The following IL3RA variants were observed in gnomAD, a reference collection of about 807,000 sequenced individuals.
The protein encoded by IL3RA is interleukin 3 receptor subunit alpha.
In IL3RA, 73 loss-of-function variants were observed where a neutral mutation model predicts 52.3. The observed-to-expected ratio is 1.40, with a 90% CI of 1.16 to 1.70. IL3RA has a LOEUF of 1.70. Ranked by LOEUF, IL3RA falls within the 40% of genes most tolerant of loss-of-function variation. The probability of loss-of-function intolerance (pLI) is 0.00; values close to 1 mark genes in which losing one functional copy is unlikely to be tolerated. For missense variants in IL3RA, 664 were observed against 504.4 expected (o/e 1.32, Z -3.03); for synonymous variants, 260 against 194.0 (o/e 1.34, Z -2.83).
At chrX:1,343,413 C>G (rs1447798933) in intron 2 of IL3RA, among the ~76,000 whole-genome samples, 1 of 151,784 alleles carries the variant, frequency 6.6e-6, no homozygotes, top group African/African-American at 2.4e-5. Context: ...GTCTGTAATC[C>G]CAGCACTTTG....
Position 1,352,406 on chromosome X carries a change from ACT to A in IL3RA, c.520_521del (p.Ser174GlnfsTer24). The A allele has an allele frequency of 6.2e-7, 1 of 1,613,460 alleles. No individual in the cohort carries two copies. The highest frequency in any genetic ancestry group is 2.2e-5 in the East Asian group (1 of 44,842). On this transcript the variant is annotated frameshift_variant, in exon 6 of 12. Coordinates refer to ENST00000331035, the MANE Select transcript of IL3RA (RefSeq NM_002183.4). LOFTEE classifies it high-confidence loss of function. ...GGTGTCGTTTCGATGACATCTCTCG[ACT>A]CTCCAGCGGTTCTCAAAGTTCCCAC... ...IGCRFDDISR[L>X]SSGSQSSHIL...
At chrX:1,347,925 T>C (rs2085830565) in intron 3 of IL3RA, among the ~76,000 whole-genome samples, 1 of 149,654 alleles carries the variant, frequency 6.7e-6, no homozygotes, top group South Asian at 2.1e-4. Context: ...TAGTCCCAGC[T>C]ACTTGGGAGG....
At chrX:1,356,365 C>A in intron 7 of IL3RA, 29 bp downstream of exon 7, 4 of 1,437,776 alleles carry the variant, frequency 2.8e-6, no homozygotes, top group South Asian at 1.2e-5. Context: ...CCCAGCCCCC[C>A]CACCCCCGTG....
chrX:1,377,750 C>T (rs2088880960), intron 9 of IL3RA, among the ~76,000 whole-genome samples: 2 of 149,498 alleles, frequency 1.3e-5, no homozygotes, highest in African/African-American at 2.5e-5. Context: ...ACTGTAGCCT[C>T]GACCTCCTGG....
At chrX:1,381,701 C>T (rs753876019) in intron 11 of IL3RA, among the ~76,000 whole-genome samples, 31 of 151,568 alleles carry the variant, frequency 2.0e-4, no homozygotes, top group African/African-American at 3.1e-4. Context: ...CGCACCGACA[C>T]GCCCAGCTAA....
In IL3RA at chrX:1,361,390, G is replaced by A. The variant is rs751679716; in HGVS notation, c.759+2503G>A. Reference sequence around the variant, plus strand: ...ACTCACAGTTCCATGTGGCTGGGGAGGCCTCACGATCACGGCAGAAGGTGA... The same window carrying A: ...ACTCACAGTTCCATGTGGCTGGGGAAGCCTCACGATCACGGCAGAAGGTGA... On this transcript the variant is annotated intron_variant, in intron 8 of 11. Coordinates refer to ENST00000331035, the MANE Select transcript of IL3RA (RefSeq NM_002183.4). Among the ~76,000 whole-genome samples the A allele has an allele frequency of 2.9e-4, 44 of 152,240 alleles. No homozygotes were observed. In the South Asian group the frequency reaches 8.1e-3, roughly 28 times the overall value.
intron 8 of IL3RA, among the ~76,000 whole-genome samples, chrX:1,360,232 GTCTC>G: frequency 2.7e-5 from 1 of 36,720 alleles, no homozygotes; most frequent in Non-Finnish European, 5.1e-5. Context: ...CTCTGTGTCT[GTCTC>G]TGTATCTCTC....
chrX:1,380,499 A>G (rs2149226983), intron 10 of IL3RA, among the ~76,000 whole-genome samples: 1 of 3,706 alleles, frequency 2.7e-4, no homozygotes, highest in African/African-American at 1.5e-3. Context: ...AAGGAGGGGG[A>G]AGGGAGGAGG....
At position 1,352,170 on chromosome X, in the gene IL3RA, C is replaced by T. The variant is rs1343625513; in HGVS notation, c.369C>T (p.Ser123=). 2 of 1,613,718 alleles carry T rather than the reference C, an allele frequency of 1.2e-6. No homozygotes were observed. The highest frequency in any genetic ancestry group is 2.7e-5 in the African/African-American group (2 of 74,930). The change falls in exon 5 of 12, where the codon AGC becomes AGT. Residue 123 remains serine (S), a synonymous_variant. Transcript: ENST00000331035. The part of the protein sequence containing the change: ...WIHDVDFLSC[S]WAVGPGAPAD... ...ATGACGTGGATTTCTTGAGCTGCAGCTGGGCGGTAGGCCCGGGGGCCCCCG... is the reference window on the plus strand; with the variant it reads ...ATGACGTGGATTTCTTGAGCTGCAGTTGGGCGGTAGGCCCGGGGGCCCCCG...
intron 6 of IL3RA, among the ~76,000 whole-genome samples, chrX:1,353,970 A>ACCCCCC (rs1410097079): frequency 2.7e-5 from 1 of 37,650 alleles, no homozygotes; most frequent in Non-Finnish European, 5.2e-5. Flanking sequence ...GGGTCGTGGG[A>ACCCCCC]CCCCCACCCC....
At chrX:1,362,403 CTTT>C (rs1354073954) in intron 8 of IL3RA, among the ~76,000 whole-genome samples, 1 of 150,102 alleles carries the variant, frequency 6.7e-6, no homozygotes, top group East Asian at 2.0e-4. Context: ...TTCTGTTTTT[CTTT>C]CTTTTTCCCT....
chrX:1,342,594 C>T (rs1400057298), intron 2 of IL3RA, among the ~76,000 whole-genome samples: 1 of 97,466 alleles, frequency 1.0e-5, no homozygotes, highest in African/African-American at 4.2e-5. Flanking sequence ...GAGTTTCATT[C>T]TGGTCGCCCA....
At chrX:1,377,842 A>G (rs1469477148) in intron 9 of IL3RA, among the ~76,000 whole-genome samples, 1 of 149,004 alleles carries the variant, frequency 6.7e-6, no homozygotes, top group East Asian at 2.0e-4. Flanking sequence ...CTGAGATAGC[A>G]CCACAGCACT....
At chrX:1,378,851 T>C in intron 10 of IL3RA, 87 bp downstream of exon 10, 2 of 1,260,974 alleles carry the variant, frequency 1.6e-6, no homozygotes, top group Non-Finnish European at 1.1e-6. Context: ...GAATTATCAT[T>C]ATTATTTTTG....
chrX:1,381,171 G>A (rs2089162092), intron 11 of IL3RA, 67 bp downstream of exon 11: 1 of 1,430,910 alleles, frequency 7.0e-7, no homozygotes, highest in Non-Finnish European at 9.9e-7. Flanking sequence ...GGCCCAGGCG[G>A]GCGGACCACT....
At chrX:1,377,382 A>C (rs1258922029) in intron 9 of IL3RA, among the ~76,000 whole-genome samples, 1 of 151,800 alleles carries the variant, frequency 6.6e-6, no homozygotes, top group African/African-American at 2.4e-5. Context: ...CTGGGATGAC[A>C]GGCGCCCGCC....
chrX:1,363,030 C>A (rs1381262302), intron 8 of IL3RA, among the ~76,000 whole-genome samples: 1 of 152,102 alleles, frequency 6.6e-6, no homozygotes, highest in African/African-American at 2.4e-5. Flanking sequence ...CCCACCTCAG[C>A]CTCCCAAAGT....
At chrX:1,380,663 G>A (rs1466626766) in intron 10 of IL3RA, among the ~76,000 whole-genome samples, 2 of 103,742 alleles carry the variant, frequency 1.9e-5, no homozygotes, top group Admixed American at 1.9e-4. Context: ...GGGAGGGGTA[G>A]GGGGGAAGGG....
At chrX:1,344,231 C>G (rs1307144668) in intron 2 of IL3RA, among the ~76,000 whole-genome samples, 1 of 151,778 alleles carries the variant, frequency 6.6e-6, no homozygotes, top group Non-Finnish European at 1.5e-5. Context: ...GTTGGGAGTT[C>G]GAGACCAGCC....
Sources: allele counts gnomAD v4.1 joint callset (sites outside exome capture counted in the v4.1 genomes callset), GRCh38; gene constraint gnomAD v4.1.1; transcripts MANE v1.5; gene names NCBI Gene and HGNC (gene_info 2026-07-23, HGNC 2026-07-21).